HCFC1R1: variants seen among roughly 807,000 people sequenced by gnomAD.
The protein encoded by HCFC1R1 is HCF-1 beta-propeller-interacting protein.
Under a neutral mutation model 13.3 loss-of-function variants are expected in HCFC1R1, and 17 were observed. The ratio of observed to expected loss-of-function variants is 1.28; its 90% CI spans 0.87 to 1.91. The LOEUF (loss-of-function observed/expected upper bound fraction) is 1.91, where lower values mean the gene tolerates loss of function less well. Among genes scored for constraint, HCFC1R1 ranks in the 40% most tolerant of loss-of-function variants. HCFC1R1 has a pLI of 0.00. For synonymous variants in HCFC1R1, 87 were observed against 71.1 expected (o/e 1.22, Z -1.12); for missense variants, 218 against 177.9 (o/e 1.23, Z -1.28).
chr16:3,023,309 A>G lies in HCFC1R1; in HGVS notation c.205T>C (p.Ser69Pro). The G allele has an allele frequency of 1.3e-6, 2 of 1,598,688 alleles. No homozygotes were observed. The highest frequency in any genetic ancestry group is 8.5e-7 in the Non-Finnish European group (1 of 1,170,110). The part of the protein sequence containing the change: ...LSEENMATHF[S>P]QLSLHNDHPY... ...TGGTCATTGTGCAGGCTGAGTTGAG[A>G]GAAGTGGGTGGCCATGTTCTCCTCA... The change falls in exon 3 of 4, where the codon TCT becomes CCT. Residue 69 changes from serine to proline, a missense_variant. Ser to Pro is a moderately conservative substitution (Grantham distance 74, BLOSUM62 -1). Coordinates refer to ENST00000248089, the MANE Select transcript of HCFC1R1 (RefSeq NM_017885.4).
rs372057057 is a variant in HCFC1R1 at position 3,023,831 on chromosome 16, G to A, written c.95+16C>T. 4 of 1,530,112 alleles carry A rather than the reference G, an allele frequency of 2.6e-6. No individual in the cohort carries two copies. In the African/African-American group the frequency reaches 4.1e-5, roughly 16 times the overall value. The allele number at this position is 1,530,112 out of a possible 1,614,324, so 94.8% of individuals were successfully genotyped here. On this transcript the variant is annotated intron_variant, in intron 1 of 3. Coordinates refer to ENST00000248089, the MANE Select transcript of HCFC1R1 (RefSeq NM_017885.4). Reference sequence around the variant, plus strand: ...TGCGGCCCTTGGTCAGGCCCACCCTGGTCCCCTACACGCACCTGGCGTCCA... The same window carrying A: ...TGCGGCCCTTGGTCAGGCCCACCCTAGTCCCCTACACGCACCTGGCGTCCA...
chr16:3,024,197 C>T, upstream of HCFC1R1: 2 of 1,166,128 alleles, frequency 1.7e-6, no homozygotes, highest in Non-Finnish European at 2.5e-6. Flanking sequence ...TCCTAGGGTT[C>T]GGGACGGTAC....
At chr16:3,024,262 T>C (rs1596474458), upstream of HCFC1R1, 1 of 1,605,232 alleles carries the variant, frequency 6.2e-7, no homozygotes, top group Non-Finnish European at 8.5e-7. Flanking sequence ...GGAACCGCTC[T>C]AGGCACGTAA....
Position 3,022,977 on chromosome 16 carries a change from A to C in HCFC1R1, c.303T>G (p.Leu101=). ...PPLRSPCSEL[L]LWRYPGSLIP... Reference sequence around the variant, plus strand: ...TGAGGCTGCCAGGATAGCGCCAGAGAAGCAGCTCAGAGCAAGGGCTCCTAG... The same window carrying C: ...TGAGGCTGCCAGGATAGCGCCAGAGCAGCAGCTCAGAGCAAGGGCTCCTAG... The change falls in exon 4 of 4, where the codon CTT becomes CTG. Residue 101 remains leucine, a synonymous_variant. Transcript: ENST00000248089. 1 of 1,594,480 alleles carries C rather than the reference A, an allele frequency of 6.3e-7. No homozygotes were observed.
upstream of HCFC1R1, chr16:3,024,202 C>A (rs2072717503): frequency 1.6e-6 from 2 of 1,217,694 alleles, no homozygotes; most frequent in Non-Finnish European, 2.4e-6. Flanking sequence ...GGGTTCGGGA[C>A]GGTACGCACC....
upstream of HCFC1R1, chr16:3,024,234 G>T: frequency 3.9e-6 from 6 of 1,534,090 alleles, no homozygotes; most frequent in Non-Finnish European, 5.4e-6. Flanking sequence ...CGCCGAAGGC[G>T]GTAGGGCGCC....
At position 3,022,954 on chromosome 16, in the gene HCFC1R1, A is replaced by G; in HGVS notation, c.326T>C (p.Leu109Pro). Residue 109 changes from leucine (L) to proline (P), a missense_variant, in exon 4 of 4, where the codon CTC becomes CCC. By Grantham distance (98) the Leu-to-Pro change is moderately conservative. Transcript: ENST00000248089. ...CAGCAGACGGAGGGCCTCAGGGATGAGGCTGCCAGGATAGCGCCAGAGAAG... is the reference window on the plus strand; with the variant it reads ...CAGCAGACGGAGGGCCTCAGGGATGGGGCTGCCAGGATAGCGCCAGAGAAG... The part of the protein sequence containing the change: ...ELLLWRYPGS[L>P]IPEALRLLRL... 1 of 1,585,886 alleles carries G rather than the reference A, an allele frequency of 6.3e-7. No homozygotes were observed. The highest frequency in any genetic ancestry group is 8.5e-7 in the Non-Finnish European group (1 of 1,171,752).
At chr16:3,023,985 G>A (rs1225008048), upstream of HCFC1R1, 5 of 1,409,560 alleles carry the variant, frequency 3.5e-6, no homozygotes, top group Admixed American at 4.3e-5. Context: ...GACAGGGGAG[G>A]AGTCTCTGAG....
At chr16:3,023,582 G>A (rs780704880) in intron 1 of HCFC1R1, 52 bp from the exon 2 acceptor site, 19 of 1,506,202 alleles carry the variant, frequency 1.3e-5, no homozygotes, top group Non-Finnish European at 1.7e-5. Context: ...CCCTTCCCAA[G>A]GATCTGCCCG....
Position 3,022,692 on chromosome 16 carries a change from C to A in HCFC1R1, c.*171G>T, listed in dbSNP as rs1056863368. 5.9e-6 allele frequency: 3 copies of A among 505,220 alleles called. No individual in the cohort carries two copies. The highest frequency in any genetic ancestry group is 4.4e-5 in the Admixed American group (1 of 22,724). 31.3% of individuals were successfully genotyped at this position (505,220 alleles called of 1,614,324 possible). On this transcript the variant is annotated 3_prime_UTR_variant, in exon 4 of 4. Transcript: ENST00000248089. ...GGATGCCTCCCTTCCCATGCTCCCACCCCTCCCATCCCAGAACTCCGTTGG... is the reference window on the plus strand; with the variant it reads ...GGATGCCTCCCTTCCCATGCTCCCAACCCTCCCATCCCAGAACTCCGTTGG...
intron 1 of HCFC1R1, 66 bp from the exon 2 acceptor site, chr16:3,023,596 A>C: frequency 6.7e-7 from 1 of 1,482,622 alleles, no homozygotes; most frequent in South Asian, 1.3e-5. Context: ...CTGCCCGCCT[A>C]AGCCTGCAGC....
intron 1 of HCFC1R1, 113 bp from the exon 2 acceptor site, chr16:3,023,643 T>C: frequency 7.8e-7 from 1 of 1,285,236 alleles, no homozygotes; most frequent in South Asian, 1.5e-5. Flanking sequence ...CTGTCTCAGC[T>C]GGTGCCGGTC....
upstream of HCFC1R1, chr16:3,024,028 G>A: frequency 9.2e-7 from 1 of 1,086,394 alleles, no homozygotes; most frequent in Middle Eastern, 2.2e-4. Flanking sequence ...CGTGGCTTTA[G>A]GCGGGCACAG....
In HCFC1R1 at chr16:3,022,907, G is replaced by A. The variant is rs940739069; in HGVS notation, c.373C>T (p.Pro125Ser). ...RLLRLGDTPS[P>S]PYPATPAGDI... ...CCAGCTGGGGTTGCAGGGTAGGGGG[G>A]ACTGGGGGTGTCCCCCAGCCTCAGC... The change falls in exon 4 of 4, where the codon CCC becomes TCC. Residue 125 changes from proline (P) to serine (S), a missense_variant. Transcript: ENST00000248089. 4.5e-6 allele frequency: 7 copies of A among 1,561,652 alleles called. No individual in the cohort carries two copies. The highest frequency in any genetic ancestry group is 4.2e-5 in the African/African-American group (3 of 70,924).
chr16:3,022,664 G>A lies in HCFC1R1; in HGVS notation c.*199C>T. The A allele has an allele frequency of 2.2e-6, 1 of 456,880 alleles. No homozygotes were observed. Among genetic ancestry groups the A allele is most frequent in the Non-Finnish European group, 3.9e-6 (1 of 256,038 alleles). 28.3% of individuals were successfully genotyped at this position (456,880 alleles called of 1,614,324 possible). A position where few individuals can be genotyped will look rare whatever the true frequency, so the allele number is the denominator to read the frequency against. On this transcript the variant is annotated 3_prime_UTR_variant, in exon 4 of 4. Coordinates refer to ENST00000248089, the MANE Select transcript of HCFC1R1 (RefSeq NM_017885.4). Reference sequence around the variant, plus strand: ...AATCTTTATTCAGTTCTTCTTGGGGGTGGGATGCCTCCCTTCCCATGCTCC... The same window carrying A: ...AATCTTTATTCAGTTCTTCTTGGGGATGGGATGCCTCCCTTCCCATGCTCC...
In HCFC1R1 at chr16:3,023,495, T is replaced by C. The variant is rs779878078; in HGVS notation, c.131A>G (p.Lys44Arg). The C allele has an allele frequency of 8.1e-6, 13 of 1,611,830 alleles. No individual in the cohort carries two copies. The highest frequency in any genetic ancestry group is 1.1e-5 in the Non-Finnish European group (13 of 1,179,006). Residue 44 changes from lysine (K) to arginine (R), a missense_variant, in exon 2 of 4, where the codon AAG becomes AGG. Lys to Arg is a conservative substitution (Grantham distance 26). Coordinates refer to ENST00000248089, the MANE Select transcript of HCFC1R1 (RefSeq NM_017885.4). ...PLRGAVPMSTKRRLEEEQEPL... is the reference protein window; with the variant it reads ...PLRGAVPMSTRRRLEEEQEPL... ...TCACTGCTCCTCCTCCAGGCGCCGC[T>C]TGGTGCTCATGGGCACAGCTCCTCG... is the stretch of plus-strand genomic sequence containing the variant.
Position 3,022,938 on chromosome 16 carries a change from G to T in HCFC1R1, c.342C>A (p.Leu114=). 5 of 1,575,416 alleles carry T rather than the reference G, an allele frequency of 3.2e-6. No homozygotes were observed. The highest frequency in any genetic ancestry group is 4.3e-6 in the Non-Finnish European group (5 of 1,168,798). Residue 114 remains leucine, a synonymous_variant, in exon 4 of 4, where the codon CTC becomes CTA. Transcript: ENST00000248089. The stretch of plus-strand genomic sequence containing the variant: ...GGGTGTCCCCCAGCCTCAGCAGACG[G>T]AGGGCCTCAGGGATGAGGCTGCCAG... ...RYPGSLIPEA[L]RLLRLGDTPS...
At chr16:3,024,255 A>C, upstream of HCFC1R1, 5 of 1,599,056 alleles carry the variant, frequency 3.1e-6, no homozygotes, top group South Asian at 3.3e-5. Context: ...ACGGAGAGGA[A>C]CCGCTCTAGG....
At chr16:3,024,151 C>G (rs1035294223), upstream of HCFC1R1, 5 of 771,090 alleles carry the variant, frequency 6.5e-6, no homozygotes, top group Non-Finnish European at 1.1e-5. Flanking sequence ...GACACCACTT[C>G]TTAATGTCGG....
Sources: allele counts gnomAD v4.1 joint callset, GRCh38; gene constraint gnomAD v4.1.1; transcripts MANE v1.5; gene names NCBI Gene and HGNC (gene_info 2026-07-23, HGNC 2026-07-21).